Variants in TPTE2 observed in about 807,000 individuals in gnomAD.
TPTE2 encodes phosphatidylinositol 3,4,5-trisphosphate 3-phosphatase TPTE2.
Under a neutral mutation model 78.6 loss-of-function variants are expected in TPTE2, and 53 were observed. That is an observed-to-expected ratio of 0.67 (90% CI 0.54 to 0.85). The LOEUF is 0.85. Ranked by LOEUF, TPTE2 falls within the 40% of genes least tolerant of loss-of-function variation. The pLI is 0.00. For missense variants in TPTE2, 461 were observed against 623.0 expected (o/e 0.74, Z 2.77); for synonymous variants, 175 against 206.2 (o/e 0.85, Z 1.30).
chr13:19,472,454 G>A (rs1015515634), intron 6 of TPTE2, among the ~76,000 whole-genome samples: 1 of 152,114 alleles, frequency 6.6e-6, no homozygotes, highest in African/African-American at 2.4e-5. Flanking sequence ...AGACTCTAAT[G>A]CATTCTTTGG....
In TPTE2 at chr13:19,451,162, T is replaced by A; in HGVS notation, c.802+3A>T. On this transcript the variant is annotated splice_donor_region_variant and intron_variant, in intron 11 of 19. Transcript: ENST00000400230. ...GTAGCAAAATATAGAGTAATGTACATACTGCATAGATTGTAGACTCGATAG... is the reference window on the plus strand; with the variant it reads ...GTAGCAAAATATAGAGTAATGTACAAACTGCATAGATTGTAGACTCGATAG... 1 of 1,613,394 alleles carries A rather than the reference T, an allele frequency of 6.2e-7. No individual in the cohort carries two copies. The highest frequency in any genetic ancestry group is 8.5e-7 in the Non-Finnish European group (1 of 1,179,550).
intron 10 of TPTE2, 24 bp downstream of exon 13, chr13:19,464,432 T>A: frequency 6.3e-7 from 1 of 1,588,328 alleles, no homozygotes; most frequent in South Asian, 1.1e-5. Context: ...GAGAAATGAG[T>A]ATTTGTCAGA....
intron 17 of TPTE2, 113 bp downstream of exon 20, chr13:19,430,355 C>T (rs929242341): frequency 1.3e-4 from 100 of 777,336 alleles, no homozygotes; most frequent in African/African-American, 1.0e-3. Flanking sequence ...AACCAGAAAG[C>T]GTTATGGAAT....
At chr13:19,532,622 A>G (rs938125489) in intron 1 of TPTE2, among the ~76,000 whole-genome samples, 2 of 152,242 alleles carry the variant, frequency 1.3e-5, no homozygotes, top group African/African-American at 4.8e-5. Context: ...AAACAGACTA[A>G]CACAATGCCC....
chr13:19,436,279 G>T (rs759307577), exon 15 of TPTE2: 2 of 1,612,892 alleles, frequency 1.2e-6, no homozygotes, highest in Non-Finnish European at 1.7e-6. Context: ...TTATTGGTTC[G>T]CCTTTCTCCA....
chr13:19,497,222 G>T (rs941369613), intron 1 of TPTE2, among the ~76,000 whole-genome samples: 1 of 148,840 alleles, frequency 6.7e-6, no homozygotes, highest in Non-Finnish European at 1.5e-5. Flanking sequence ...GAGGCTGGGG[G>T]AGGGGCGCCC....
In TPTE2 at chr13:19,451,215, C is replaced by T. The variant is rs770883576; in HGVS notation, c.752G>A (p.Arg251Gln). The change falls in exon 11 of 20, where the codon CGG (arginine) becomes CAG (glutamine). Residue 251 changes from arginine (R) to glutamine (Q), a missense_variant. By Grantham distance (43) the Arg-to-Gln change is conservative (BLOSUM62 1). Coordinates refer to ENST00000400230, the Ensembl canonical transcript of TPTE2. ...GTTTCGATGTTTCTTATCTAGAAAC[C>T]GCACAACTTCCTAAAAAAGACAAAC... is the stretch of plus-strand genomic sequence containing the variant. The T allele has an allele frequency of 1.6e-4, 258 of 1,613,366 alleles. 1 individual carries two copies. The highest frequency in any genetic ancestry group is 1.5e-3 in the South Asian group (135 of 91,056).
chr13:19,437,762 G>GTATA (rs1877204542), intron 14 of TPTE2, among the ~76,000 whole-genome samples: 1 of 151,856 alleles, frequency 6.6e-6, no homozygotes, highest in African/African-American at 2.4e-5. Context: ...TGTTGATATT[G>GTATA]CATACATCAT....
chr13:19,533,745 T>C (rs1293445105), intron 1 of TPTE2, among the ~76,000 whole-genome samples: 1 of 152,208 alleles, frequency 6.6e-6, no homozygotes, highest in African/African-American at 2.4e-5. Flanking sequence ...GGATTTGAAC[T>C]GAAGTTTCTG....
intron 10 of TPTE2, among the ~76,000 whole-genome samples, chr13:19,451,843 G>GTATA (rs374568647): frequency 0.013 from 1,936 of 147,100 alleles, 16 homozygotes; most frequent in Middle Eastern, 0.021. Flanking sequence ...GTGTGTGTGT[G>GTATA]TATATATGTA....
chr13:19,550,729 C>G, the TPTE2 span, among the ~76,000 whole-genome samples: 1 of 152,156 alleles, frequency 6.6e-6, no homozygotes, highest in African/African-American at 2.4e-5. Flanking sequence ...GCTTCACTGA[C>G]TCTCCTGAAT....
chr13:19,547,042 T>C, the TPTE2 span, among the ~76,000 whole-genome samples: 1 of 150,334 alleles, frequency 6.7e-6, no homozygotes. Context: ...AGGATAGCCC[T>C]CCTGAAACTT....
At chr13:19,425,800 C>T (rs780515026) in intron 18 of TPTE2, 11 of 467,580 alleles carry the variant, frequency 2.4e-5, no homozygotes, top group Non-Finnish European at 2.2e-5. Context: ...ATGGCTCCCC[C>T]TTCCAGTTGG....
chr13:19,494,143 A>G (rs973620842), intron 1 of TPTE2, among the ~76,000 whole-genome samples: 7 of 152,226 alleles, frequency 4.6e-5, no homozygotes, highest in Non-Finnish European at 1.0e-4. Flanking sequence ...TGGTACACAG[A>G]AAATCTGCTT....
chr13:19,440,844 T>C (rs955677841), intron 13 of TPTE2, among the ~76,000 whole-genome samples: 4 of 152,036 alleles, frequency 2.6e-5, no homozygotes, highest in Non-Finnish European at 5.9e-5. Context: ...CCCAGCACTT[T>C]GGGAGGCTGG....
At chr13:19,435,836 T>C (rs1352826763) in intron 15 of TPTE2, among the ~76,000 whole-genome samples, 9 of 149,834 alleles carry the variant, frequency 6.0e-5, no homozygotes, top group Non-Finnish European at 1.3e-4. Flanking sequence ...TCTGCAAGGG[T>C]TGAATTGCCC....
intron 13 of TPTE2, among the ~76,000 whole-genome samples, chr13:19,440,307 T>C (rs1014524448): frequency 2.6e-5 from 4 of 152,040 alleles, no homozygotes; most frequent in African/African-American, 9.7e-5. Flanking sequence ...GGATACAAGG[T>C]TCAGCATATG....
chr13:19,537,689 G>A (rs548813483), upstream of TPTE2, among the ~76,000 whole-genome samples: 1 of 150,926 alleles, frequency 6.6e-6, no homozygotes, highest in South Asian at 2.1e-4. Flanking sequence ...TGCAACCTCT[G>A]TCTCCTGGGT....
chr13:19,503,310 G>A (rs867907384), upstream of TPTE2: 7 of 1,611,000 alleles, frequency 4.3e-6, no homozygotes, highest in Middle Eastern at 4.9e-4. Flanking sequence ...AGTCAGACAG[G>A]AGACACAATT....
Sources: allele counts gnomAD v4.1 joint callset (sites outside exome capture counted in the v4.1 genomes callset), GRCh38; gene constraint gnomAD v4.1.1; transcripts MANE v1.5; gene names NCBI Gene and HGNC (gene_info 2026-07-23, HGNC 2026-07-21).